The following RAB36 variants were observed in gnomAD, a reference collection of about 807,000 sequenced individuals.
RAB36 encodes ras-related protein Rab-36.
In RAB36, 33 loss-of-function variants were observed where a neutral mutation model predicts 39.3. That is an observed-to-expected ratio of 0.84 (90% CI 0.64 to 1.12). The LOEUF (loss-of-function observed/expected upper bound fraction) is 1.12, where lower values mean the gene tolerates loss of function less well. Ranked by LOEUF, RAB36 falls within the 50% of genes most tolerant of loss-of-function variation. The pLI is 0.00. For synonymous variants in RAB36, 133 were observed against 140.2 expected, an observed-to-expected ratio of 0.95 and a Z score of 0.36; for missense variants, 308 against 355.3, an observed-to-expected ratio of 0.87 and a Z score of 1.07.
chr22:23,147,900 G>A (rs1362998959), intron 2 of RAB36, among the ~76,000 whole-genome samples: 1 of 152,172 alleles, frequency 6.6e-6, no homozygotes, highest in Admixed American at 6.5e-5. Context: ...GCAGTAGAGT[G>A]TGTGCAGCAC....
In RAB36 at chr22:23,161,004, T is replaced by A. The variant is rs571723067; in HGVS notation, c.739+6T>A. 3.8e-6 allele frequency: 6 copies of A among 1,599,032 alleles called. No homozygotes were observed. In the South Asian group the frequency reaches 6.6e-5, roughly 18 times the overall value. On this transcript the variant is annotated splice_donor_region_variant and intron_variant, in intron 10 of 10. Coordinates refer to ENST00000263116, the MANE Select transcript of RAB36 (RefSeq NM_004914.5). ...CGGCAATGGAGACCTAATCCGTGAG[T>A]ATAGGTGTGACTGGGTTGGGCTGGG...
At chr22:23,161,400 G>A in intron 10 of RAB36, 100 bp from the exon 11 acceptor site, 1 of 1,097,410 alleles carries the variant, frequency 9.1e-7, no homozygotes, top group Non-Finnish European at 1.4e-6. Context: ...AGGCCCAGAA[G>A]CTTCAGCTCA....
At position 23,150,133 on chromosome 22, in the gene RAB36, G is replaced by A. The variant is rs142261203; in HGVS notation, c.140G>A (p.Arg47His). Residue 47 changes from arginine to histidine, a missense_variant, in exon 3 of 11, where the codon CGC becomes CAC. Arg to His is a conservative substitution (Grantham distance 29). Transcript: ENST00000263116. ...FHGQVSAACQRRNTGTVGLKL... is the reference protein window; with the variant it reads ...FHGQVSAACQHRNTGTVGLKL... The stretch of plus-strand genomic sequence containing the variant: ...GGGCAGGTCAGCGCTGCCTGCCAAC[G>A]CAGGAACACGGGGACTGTCGGGTGA... 3.6e-4 allele frequency: 586 copies of A among 1,612,338 alleles called. 3 individuals are homozygous for A. The African/African-American group carries it at 6.6e-3, about 18-fold the overall frequency.
chr22:23,154,317 T>C (rs1389984419), intron 5 of RAB36, among the ~76,000 whole-genome samples: 1 of 152,244 alleles, frequency 6.6e-6, no homozygotes, highest in East Asian at 1.9e-4. Flanking sequence ...CAATCCTCCA[T>C]GCCCTGCCTG....
intron 2 of RAB36, among the ~76,000 whole-genome samples, chr22:23,148,967 GA>G (rs1419880046): frequency 2.6e-5 from 4 of 152,196 alleles, no homozygotes; most frequent in Non-Finnish European, 5.9e-5. Flanking sequence ...GTGCTATTAT[GA>G]GCATCCCTGT....
At position 23,163,280 on chromosome 22, in the gene RAB36, C is replaced by A. The variant is rs4552283; in HGVS notation, c.*1716C>A. ...ATGGAGTCTCTGTCACCCAGGCTGG[C>A]GTGCAATGGCACGATCTTGGCTCAC... On this transcript the variant is annotated 3_prime_UTR_variant, in exon 11 of 11. Coordinates refer to ENST00000263116, the MANE Select transcript of RAB36 (RefSeq NM_004914.5). The A allele has an allele frequency of 0.51, 78,241 of 153,528 alleles. 20,066 individuals are homozygous for A. The highest frequency in any genetic ancestry group is 0.65 in the East Asian group (3,307 of 5,118). The allele number at this position is 153,528 out of a possible 1,614,324, so 9.5% of individuals were successfully genotyped here.
rs1179992423 is a variant in RAB36, at chr22:23,161,820, T to C, written c.*256T>C. ...CACCGGGCCAGTGCAGGCACTGTGG[T>C]GATCCCATAAAAGGCCAGTCCATTT... On this transcript the variant is annotated 3_prime_UTR_variant, in exon 11 of 11. Transcript: ENST00000263116. 4.0e-6 allele frequency: 2 copies of C among 502,288 alleles called. No homozygotes were observed. Among genetic ancestry groups the C allele is most frequent in the East Asian group, 7.3e-5 (2 of 27,386 alleles). The allele number at this position is 502,288 out of a possible 1,614,324, so 31.1% of individuals were successfully genotyped here.
In RAB36 at chr22:23,161,759, G is replaced by C; in HGVS notation, c.*195G>C. 1 of 576,572 alleles carries C rather than the reference G, an allele frequency of 1.7e-6. No homozygotes were observed. Among genetic ancestry groups the C allele is most frequent in the East Asian group, 3.0e-5 (1 of 33,340 alleles). 35.7% of individuals were successfully genotyped at this position (576,572 alleles called of 1,614,324 possible). ...CTTGTCCGTTGCAGGTTGGGCACTA[G>C]AAAAGGCCCCCACTGGCTGCCTGGG... On this transcript the variant is annotated 3_prime_UTR_variant, in exon 11 of 11. Transcript: ENST00000263116.
At chr22:23,153,007 T>C in intron 4 of RAB36, 26 bp from the exon 5 acceptor site, 1 of 1,546,682 alleles carries the variant, frequency 6.5e-7, no homozygotes. Flanking sequence ...AGTACACCCC[T>C]GTGACGACTT....
intron 9 of RAB36, among the ~76,000 whole-genome samples, chr22:23,159,691 C>T (rs2071668766): frequency 6.6e-6 from 1 of 152,204 alleles, no homozygotes. Context: ...TGCCTCTGGC[C>T]CTGAAATGCC....
intron 2 of RAB36, among the ~76,000 whole-genome samples, chr22:23,148,197 C>T (rs781402762): frequency 6.6e-6 from 1 of 152,140 alleles, no homozygotes; most frequent in Non-Finnish European, 1.5e-5. Context: ...CTTCTTCACA[C>T]ACCTACAGAG....
intron 2 of RAB36, among the ~76,000 whole-genome samples, chr22:23,148,359 A>G (rs976002116): frequency 6.6e-6 from 1 of 152,198 alleles, no homozygotes; most frequent in African/African-American, 2.4e-5. Context: ...GGAAAGTGTG[A>G]TTGGCACAAA....
Position 23,150,209 on chromosome 22 carries a change from T to A in RAB36, c.161+55T>A, listed in dbSNP as rs967093820. 1.9e-5 allele frequency: 25 copies of A among 1,350,946 alleles called. No homozygotes were observed. In the African/African-American group the frequency reaches 3.6e-4, roughly 19 times the overall value. The allele number at this position is 1,350,946 out of a possible 1,614,324, so 83.7% of individuals were successfully genotyped here. A position where few individuals can be genotyped will look rare whatever the true frequency, so the allele number is the denominator to read the frequency against. ...CAGGTGGCAAGAAGGAATGAGTGCA[T>A]GAAGCACGTGAAAGAATGAACAAAT... is the stretch of plus-strand genomic sequence containing the variant. On this transcript the variant is annotated intron_variant, in intron 3 of 10. Coordinates refer to ENST00000263116, the MANE Select transcript of RAB36 (RefSeq NM_004914.5).
upstream of RAB36, chr22:23,145,400 GCGC>G (rs750707648): frequency 6.2e-7 from 1 of 1,609,430 alleles, no homozygotes; most frequent in Non-Finnish European, 8.5e-7. Context: ...ATGCTTGGAC[GCGC>G]CGCTGCCAGT....
intron 5 of RAB36, among the ~76,000 whole-genome samples, chr22:23,155,580 C>T (rs527546794): frequency 6.6e-6 from 1 of 152,342 alleles, no homozygotes; most frequent in African/African-American, 2.4e-5. Context: ...GGAGGCCCCG[C>T]CTGGAGCCCC....
chr22:23,155,641 C>T (rs1341365016), intron 5 of RAB36, among the ~76,000 whole-genome samples: 2 of 152,198 alleles, frequency 1.3e-5, no homozygotes, highest in African/African-American at 2.4e-5. Context: ...ATCTTCAGAG[C>T]GAGTCATGTC....
intron 2 of RAB36, among the ~76,000 whole-genome samples, chr22:23,148,807 A>AG (rs1053992656): frequency 1.1e-4 from 17 of 152,200 alleles, no homozygotes; most frequent in African/African-American, 3.9e-4. Context: ...TGTCTGAGCC[A>AG]GTCCCTAGCT....
At chr22:23,168,387 CAT>C (rs900910246), downstream of RAB36, among the ~76,000 whole-genome samples, 10 of 152,270 alleles carry the variant, frequency 6.6e-5, no homozygotes, top group African/African-American at 1.2e-4. Context: ...TGAGAGAAGA[CAT>C]GTGGGGGGTT....
chr22:23,161,072 A>G, intron 10 of RAB36, 74 bp downstream of exon 10: 1 of 1,510,336 alleles, frequency 6.6e-7, no homozygotes, highest in South Asian at 1.3e-5. Context: ...CATCCTCGTC[A>G]CCTGAGGCCT....
Sources: allele counts gnomAD v4.1 joint callset (sites outside exome capture counted in the v4.1 genomes callset), GRCh38; gene constraint gnomAD v4.1.1; transcripts MANE v1.5; gene names NCBI Gene and HGNC (gene_info 2026-07-23, HGNC 2026-07-21).